PGAP1: variants seen among roughly 807,000 people sequenced by gnomAD.
The protein encoded by PGAP1 is GPI inositol-deacylase.
A neutral mutation model predicts 127.0 loss-of-function variants in PGAP1; 76 were observed. That is an observed-to-expected ratio of 0.60 (90% CI 0.50 to 0.72). The LOEUF is 0.72. PGAP1 is among the 30% of genes least tolerant of loss of function. PGAP1 has a pLI of 0.00. For missense variants in PGAP1, 982 were observed against 1,071.3 expected (o/e 0.92, Z 1.16); for synonymous variants, 362 against 366.5 (o/e 0.99, Z 0.14).
At chr2:196,913,832 C>T (rs1052087676) in intron 3 of PGAP1, among the ~76,000 whole-genome samples, 1 of 152,192 alleles carries the variant, frequency 6.6e-6, no homozygotes, top group South Asian at 2.1e-4. Context: ...GGGAGATTCT[C>T]ACCATTCCCT....
At chr2:196,913,841 C>T (rs1230527859) in intron 3 of PGAP1, among the ~76,000 whole-genome samples, 1 of 152,188 alleles carries the variant, frequency 6.6e-6, no homozygotes, top group African/African-American at 2.4e-5. Context: ...TCACCATTCC[C>T]TAAATGATAA....
intron 26 of PGAP1, 59 bp downstream of exon 26, chr2:196,842,661 TA>T (rs1700446118): frequency 1.3e-6 from 1 of 754,918 alleles, no homozygotes; most frequent in African/African-American, 1.8e-5. Context: ...ATATTTTAGA[TA>T]TAAAGGGGGA....
intron 20 of PGAP1, 98 bp downstream of exon 20, chr2:196,864,889 A>G (rs939897523): frequency 1.5e-5 from 8 of 524,270 alleles, no homozygotes; most frequent in Admixed American, 8.5e-5. Flanking sequence ...CTGATTCAAT[A>G]TAACAGAATT....
intron 22 of PGAP1, 61 bp downstream of exon 22, chr2:196,846,942 T>G (rs972902524): frequency 8.1e-6 from 11 of 1,351,370 alleles, no homozygotes; most frequent in Non-Finnish European, 1.1e-5. Context: ...TTCAGGTTCC[T>G]TATCAGAATA....
intron 20 of PGAP1, among the ~76,000 whole-genome samples, chr2:196,863,968 T>C (rs140805122): frequency 4.4e-4 from 67 of 152,266 alleles, no homozygotes; most frequent in African/African-American, 1.6e-3. Context: ...AGTGCTTGAG[T>C]TGATGGATAT....
At chr2:196,857,375 T>C (rs577160384) in intron 20 of PGAP1, among the ~76,000 whole-genome samples, 1 of 152,328 alleles carries the variant, frequency 6.6e-6, no homozygotes, top group South Asian at 2.1e-4. Context: ...CAGGTAGACT[T>C]AGCTTCAGAG....
intron 20 of PGAP1, among the ~76,000 whole-genome samples, chr2:196,860,551 A>G (rs1228699018): frequency 6.6e-6 from 1 of 152,156 alleles, no homozygotes; most frequent in Non-Finnish European, 1.5e-5. Flanking sequence ...CAAATAAACA[A>G]ACAAAAAACA....
chr2:196,922,450 T>G (rs912809250), intron 1 of PGAP1: 3 of 982,974 alleles, frequency 3.1e-6, no homozygotes, highest in Non-Finnish European at 3.6e-6. Context: ...TAAGAATAGT[T>G]ATAGGGGCTC....
rs1700227606 is a variant in PGAP1, at chr2:196,836,028, T to A, written c.*5206A>T. The A allele has an allele frequency of 6.6e-6, 1 of 152,082 alleles. No homozygotes were observed. The highest frequency in any genetic ancestry group is 6.5e-5 in the Admixed American group (1 of 15,282). 9.4% of individuals were successfully genotyped at this position (152,082 alleles called of 1,614,324 possible). A position where few individuals can be genotyped will look rare whatever the true frequency, so the allele number is the denominator to read the frequency against. On this transcript the variant is annotated 3_prime_UTR_variant, in exon 27 of 27. Transcript: ENST00000354764. ...TATGAACTTTACAAAAATGGCTACT[T>A]TTAGTCTTCCTAAACTAAAATCGGA...
chr2:196,853,371 C>A (rs1400904520), intron 20 of PGAP1, among the ~76,000 whole-genome samples: 1 of 152,196 alleles, frequency 6.6e-6, no homozygotes, highest in Admixed American at 6.5e-5. Flanking sequence ...TTTCTTGATA[C>A]ATCTCAATTG....
At chr2:196,884,467 A>G (rs1701833124) in intron 12 of PGAP1, among the ~76,000 whole-genome samples, 1 of 152,212 alleles carries the variant, frequency 6.6e-6, no homozygotes, top group African/African-American at 2.4e-5. Context: ...GACCAAGGTG[A>G]CAAAAAAATT....
At chr2:196,914,437 A>G (rs967946396) in intron 3 of PGAP1, among the ~76,000 whole-genome samples, 15 of 152,234 alleles carry the variant, frequency 9.9e-5, no homozygotes, top group African/African-American at 3.6e-4. Flanking sequence ...CCTGGCTAAC[A>G]TGGCAAAACC....
At chr2:196,913,169 T>A in intron 3 of PGAP1, 116 bp from the exon 4 acceptor site, 1 of 860,642 alleles carries the variant, frequency 1.2e-6, no homozygotes, top group Non-Finnish European at 1.8e-6. Flanking sequence ...ACTATTTATA[T>A]AACCTCCCAT....
chr2:196,857,513 G>A (rs1424019526), intron 20 of PGAP1, among the ~76,000 whole-genome samples: 2 of 152,184 alleles, frequency 1.3e-5, no homozygotes, highest in Non-Finnish European at 2.9e-5. Context: ...CCAGCACCAA[G>A]GGATATCAAA....
At chr2:196,903,486 G>A (rs1015856059) in intron 4 of PGAP1, among the ~76,000 whole-genome samples, 7 of 149,970 alleles carry the variant, frequency 4.7e-5, no homozygotes, top group East Asian at 2.0e-4. Context: ...GCTTGAACCC[G>A]GGAGGCAGAG....
At chr2:196,879,980 T>A in intron 13 of PGAP1, 96 bp downstream of exon 13, 1 of 848,534 alleles carries the variant, frequency 1.2e-6, no homozygotes. Context: ...GCTACTGTTT[T>A]AGATAAACTG....
At chr2:196,913,208 A>C (rs1279549490) in intron 3 of PGAP1, among the ~76,000 whole-genome samples, 155 bp from the exon 4 acceptor site, 1 of 152,240 alleles carries the variant, frequency 6.6e-6, no homozygotes, top group Non-Finnish European at 1.5e-5. Context: ...ATTTTCATAT[A>C]GTTTTAATTA....
chr2:196,921,563 T>C (rs1182417444), intron 1 of PGAP1, among the ~76,000 whole-genome samples: 2 of 152,100 alleles, frequency 1.3e-5, no homozygotes, highest in Non-Finnish European at 2.9e-5. Flanking sequence ...AGTACACCAT[T>C]ATTCTTTTAG....
At chr2:196,926,299 G>A (rs540246041) in intron 1 of PGAP1, among the ~76,000 whole-genome samples, 171 bp downstream of exon 1, 6 of 151,902 alleles carry the variant, frequency 3.9e-5, no homozygotes, top group African/African-American at 4.8e-5. Flanking sequence ...GGGGAGGTGA[G>A]GGGGGCAGAA....
Sources: gnomAD v4.1 joint callset for allele counts (sites outside exome capture counted in the v4.1 genomes callset) on GRCh38, gnomAD v4.1.1 for gene constraint, MANE v1.5 for transcripts, NCBI Gene and HGNC (gene_info 2026-07-23, HGNC 2026-07-21) for gene names.